EPHA3: variants seen among roughly 807,000 people sequenced by gnomAD.
EPHA3 encodes ephrin type-A receptor 3.
In EPHA3, 42 loss-of-function variants were observed where a neutral mutation model predicts 107.1. The observed-to-expected ratio is 0.39, with a 90% CI of 0.31 to 0.51. The LOEUF (loss-of-function observed/expected upper bound fraction) is 0.51, where lower values mean the gene tolerates loss of function less well. Ranked by LOEUF, EPHA3 falls within the 20% of genes least tolerant of loss-of-function variation. EPHA3 has a pLI of 0.78. For synonymous variants in EPHA3, 461 were observed against 424.8 expected (o/e 1.09, Z -1.05); for missense variants, 1,183 against 1,211.2 (o/e 0.98, Z 0.35).
intron 5 of EPHA3, among the ~76,000 whole-genome samples, chr3:89,343,328 C>T (rs1196276304): frequency 2.0e-5 from 3 of 152,184 alleles, no homozygotes; most frequent in African/African-American, 4.8e-5. Context: ...TGGTTGTTAA[C>T]ATTTTCATCT....
intron 3 of EPHA3, among the ~76,000 whole-genome samples, chr3:89,243,305 T>A (rs1002676972): frequency 6.6e-6 from 1 of 152,176 alleles, no homozygotes; most frequent in African/African-American, 2.4e-5. Context: ...GTATTTCTAG[T>A]TCTAGATCCC....
intron 3 of EPHA3, among the ~76,000 whole-genome samples, chr3:89,323,343 G>A (rs767984493): frequency 5.9e-5 from 9 of 152,144 alleles, no homozygotes; most frequent in Non-Finnish European, 7.4e-5. Flanking sequence ...AAACTAAAGC[G>A]TGAGGAGGCT....
intron 16 of EPHA3, among the ~76,000 whole-genome samples, chr3:89,473,425 T>G (rs1710445499): frequency 6.6e-6 from 1 of 152,100 alleles, no homozygotes; most frequent in Non-Finnish European, 1.5e-5. Flanking sequence ...AGTCAAAAAT[T>G]TGGTTCTTAT....
chr3:89,415,844 A>G (rs1709236793), intron 10 of EPHA3, among the ~76,000 whole-genome samples: 1 of 151,506 alleles, frequency 6.6e-6, no homozygotes, highest in South Asian at 2.1e-4. Context: ...GCACGTGAAT[A>G]AACAAAAGCT....
chr3:89,344,210 T>C (rs532080983), intron 5 of EPHA3, among the ~76,000 whole-genome samples: 1 of 152,186 alleles, frequency 6.6e-6, no homozygotes, highest in Non-Finnish European at 1.5e-5. Context: ...TGACAATGCA[T>C]TTATCAGGAA....
At chr3:89,341,182 T>A (rs1576321728) in intron 4 of EPHA3, 111 bp downstream of exon 4, 3 of 1,169,876 alleles carry the variant, frequency 2.6e-6, no homozygotes, top group Non-Finnish European at 3.6e-6. Context: ...CTGTTGCCCG[T>A]GTGCAAATTG....
At chr3:89,116,461 C>T (rs1707256234) in intron 1 of EPHA3, among the ~76,000 whole-genome samples, 1 of 152,080 alleles carries the variant, frequency 6.6e-6, no homozygotes, top group Non-Finnish European at 1.5e-5. Context: ...AGTGATTTAG[C>T]TCTTCTTTCA....
intron 13 of EPHA3, among the ~76,000 whole-genome samples, chr3:89,445,898 C>T (rs1295470429): frequency 2.0e-5 from 3 of 151,884 alleles, no homozygotes; most frequent in East Asian, 1.9e-4. Context: ...AAAATTAGTA[C>T]GAAGGTAAAG....
chr3:89,477,070 T>A (rs1312566840), intron 16 of EPHA3, among the ~76,000 whole-genome samples: 3 of 147,146 alleles, frequency 2.0e-5, no homozygotes, highest in African/African-American at 5.4e-5. Flanking sequence ...AAAACTGACT[T>A]TGCTGTCGTT....
intron 2 of EPHA3, among the ~76,000 whole-genome samples, chr3:89,134,773 A>G (rs1704278429): frequency 6.6e-6 from 1 of 152,108 alleles, no homozygotes; most frequent in South Asian, 2.1e-4. Context: ...GCAGTTCCTG[A>G]GCCAAATGGG....
rs894933952 is a variant in EPHA3 at position 89,397,941 on chromosome 3, C to T, written c.1432-1377C>T. On this transcript the variant is annotated intron_variant, in intron 6 of 16. Transcript: ENST00000336596. ...AAAATGGTCAAATCTATTGATTATT[C>T]CCTAAGTATTTTTTGATACATACAT... Among the ~76,000 whole-genome samples, 38 of 152,140 alleles carry T rather than the reference C, an allele frequency of 2.5e-4. 1 individual carries two copies. The highest frequency in any genetic ancestry group is 7.5e-4 in the African/African-American group (31 of 41,484).
chr3:89,442,473 A>G (rs912357940), intron 13 of EPHA3, among the ~76,000 whole-genome samples: 5 of 152,136 alleles, frequency 3.3e-5, no homozygotes, highest in African/African-American at 9.7e-5. Flanking sequence ...GATACTTGGT[A>G]TTGTCTAGAG....
chr3:89,284,290 G>A (rs2107319112), intron 3 of EPHA3, among the ~76,000 whole-genome samples: 1 of 152,222 alleles, frequency 6.6e-6, no homozygotes. Context: ...CTCAGGTAGA[G>A]TGACTGGAGT....
intron 5 of EPHA3, among the ~76,000 whole-genome samples, chr3:89,381,901 C>A (rs1487113113): frequency 6.6e-6 from 1 of 152,110 alleles, no homozygotes; most frequent in African/African-American, 2.4e-5. Flanking sequence ...ACTTGCCAGT[C>A]TCCACAGCTG....
At chr3:89,191,981 C>G (rs147558056) in intron 2 of EPHA3, among the ~76,000 whole-genome samples, 193 of 152,256 alleles carry the variant, frequency 1.3e-3, no homozygotes, top group African/African-American at 4.6e-3. Context: ...ATAGTAAAAC[C>G]TTGTCTCCTT....
At chr3:89,411,868 AT>A (rs986174785) in intron 9 of EPHA3, among the ~76,000 whole-genome samples, 32 of 152,038 alleles carry the variant, frequency 2.1e-4, no homozygotes, top group African/African-American at 7.7e-4. Flanking sequence ...CAACTTTCCC[AT>A]AATTCTCCCA....
intron 3 of EPHA3, among the ~76,000 whole-genome samples, chr3:89,338,436 C>T (rs116448265): frequency 8.5e-5 from 13 of 152,308 alleles, no homozygotes; most frequent in South Asian, 6.2e-4. Flanking sequence ...ATTAAATGCC[C>T]GCTGCCCATT....
intron 1 of EPHA3, among the ~76,000 whole-genome samples, chr3:89,121,310 A>G (rs1380773894): frequency 6.6e-6 from 1 of 152,228 alleles, no homozygotes; most frequent in African/African-American, 2.4e-5. Context: ...TAAAAATTGT[A>G]TAAATTAACA....
rs1273179234 is a variant in EPHA3, at chr3:89,175,537, C to A, written c.154-34323C>A. ...TAGTATGTGGAAGTTTATTTTGAAC[C>A]TTGTTGAGTTATTAACTTCAAAAAA... On this transcript the variant is annotated intron_variant, in intron 2 of 16. Coordinates refer to ENST00000336596, the MANE Select transcript of EPHA3 (RefSeq NM_005233.6). Among the ~76,000 whole-genome samples the A allele has an allele frequency of 4.6e-5, 7 of 152,086 alleles. No individual in the cohort carries two copies. In the East Asian group the frequency reaches 7.7e-4, roughly 17 times the overall value.
Sources: allele counts gnomAD v4.1 joint callset (sites outside exome capture counted in the v4.1 genomes callset), GRCh38; gene constraint gnomAD v4.1.1; transcripts MANE v1.5; gene names NCBI Gene and HGNC (gene_info 2026-07-23, HGNC 2026-07-21).